Variants in LIN52 observed in about 807,000 individuals in gnomAD.
LIN52 encodes the protein protein lin-52 homolog.
In LIN52, 4 loss-of-function variants were observed where a neutral mutation model predicts 18.5. That is an observed-to-expected ratio of 0.22 (90% confidence interval 0.11 to 0.49). LIN52 has a LOEUF of 0.49. Among genes scored for constraint, LIN52 ranks in the 20% least tolerant of loss-of-function variants. The pLI is 0.97. For synonymous variants in LIN52, 34 were observed against 45.5 expected, an observed-to-expected ratio of 0.75 and a Z score of 1.02; for missense variants, 102 against 139.5, an observed-to-expected ratio of 0.73 and a Z score of 1.35.
chr14:74,118,150 A>G (rs540325441), intron 5 of LIN52, among the ~76,000 whole-genome samples: 1 of 152,304 alleles, frequency 6.6e-6, no homozygotes, highest in African/African-American at 2.4e-5. Flanking sequence ...AGTTCCAACT[A>G]CTGGGGAGGC....
At chr14:74,189,065 T>C (rs990455309) in intron 5 of LIN52, among the ~76,000 whole-genome samples, 6 of 152,218 alleles carry the variant, frequency 3.9e-5, no homozygotes, top group Non-Finnish European at 8.8e-5. Context: ...TGGTCTGATT[T>C]TCCTGAGAGT....
intron 5 of LIN52, among the ~76,000 whole-genome samples, chr14:74,192,347 A>G (rs1469236715): frequency 3.3e-5 from 5 of 152,070 alleles, no homozygotes; most frequent in Admixed American, 6.5e-5. Context: ...TTACAGTCGC[A>G]TGATCTCGGC....
At chr14:74,089,614 C>CA (rs1206578946) in intron 1 of LIN52, among the ~76,000 whole-genome samples, 2 of 152,102 alleles carry the variant, frequency 1.3e-5, no homozygotes, top group African/African-American at 4.8e-5. Flanking sequence ...GCAATCCACC[C>CA]ACCTCGGCCT....
At chr14:74,124,786 G>T (rs1046067565) in intron 5 of LIN52, among the ~76,000 whole-genome samples, 8 of 137,928 alleles carry the variant, frequency 5.8e-5, no homozygotes, top group African/African-American at 2.2e-4. Flanking sequence ...ACCCCAGCCT[G>T]GGTGACAGAG....
chr14:74,170,811 G>A (rs2061266654), intron 5 of LIN52, among the ~76,000 whole-genome samples: 2 of 151,394 alleles, frequency 1.3e-5, no homozygotes, highest in African/African-American at 2.4e-5. Flanking sequence ...ACAATATCAA[G>A]CAGTTTAACA....
chr14:74,142,732 G>A (rs142265206), intron 5 of LIN52, among the ~76,000 whole-genome samples: 139 of 150,460 alleles, frequency 9.2e-4, no homozygotes, highest in Middle Eastern at 3.4e-3. Context: ...TGTTTTTTAC[G>A]TTTTTATGGG....
At chr14:74,087,731 T>C (rs1284676851) in intron 1 of LIN52, among the ~76,000 whole-genome samples, 1 of 152,196 alleles carries the variant, frequency 6.6e-6, no homozygotes, top group African/African-American at 2.4e-5. Context: ...TCATTTACTC[T>C]TTTGTCTTTT....
At chr14:74,150,281 G>T (rs1186444838) in intron 5 of LIN52, among the ~76,000 whole-genome samples, 1 of 152,034 alleles carries the variant, frequency 6.6e-6, no homozygotes, top group Admixed American at 6.6e-5. Flanking sequence ...ATTGGCAGTA[G>T]AATGAATAAA....
At chr14:74,188,348 G>A (rs1363639861) in intron 5 of LIN52, among the ~76,000 whole-genome samples, 1 of 152,020 alleles carries the variant, frequency 6.6e-6, no homozygotes, top group Non-Finnish European at 1.5e-5. Context: ...AAAAATAGTG[G>A]CGTGAATAAT....
At chr14:74,167,974 T>C (rs1473844392) in intron 5 of LIN52, among the ~76,000 whole-genome samples, 1 of 152,028 alleles carries the variant, frequency 6.6e-6, no homozygotes, top group Non-Finnish European at 1.5e-5. Flanking sequence ...GGATTTTGTT[T>C]TGGGGTTTGT....
chr14:74,091,758 G>A (rs28669020), intron 2 of LIN52, among the ~76,000 whole-genome samples: 31,269 of 131,932 alleles, frequency 0.24, 3,746 homozygotes, highest in South Asian at 0.48. Flanking sequence ...TGTGTGACAG[G>A]GTGAGACTCT....
intron 5 of LIN52, among the ~76,000 whole-genome samples, chr14:74,123,590 A>G (rs2061011204): frequency 6.6e-6 from 1 of 152,216 alleles, no homozygotes. Flanking sequence ...TTAAAGCCAT[A>G]GATGAGAGAA....
intron 5 of LIN52, among the ~76,000 whole-genome samples, chr14:74,107,076 T>C (rs114680683): frequency 0.01 from 1,573 of 152,292 alleles, 12 homozygotes; most frequent in Middle Eastern, 0.027. Context: ...ACATGCACTG[T>C]CTCTGTCTGA....
At chr14:74,086,925 T>A (rs2060736383) in intron 1 of LIN52, among the ~76,000 whole-genome samples, 1 of 149,980 alleles carries the variant, frequency 6.7e-6, no homozygotes, top group African/African-American at 2.5e-5. Flanking sequence ...AATGGTAAAA[T>A]TTATGTATAT....
rs1397288146 is a variant in LIN52 at position 74,201,005 on chromosome 14, C to G, written c.*2028C>G. The G allele has an allele frequency of 6.6e-6, 1 of 152,196 alleles. No homozygotes were observed. The highest frequency in any genetic ancestry group is 1.5e-5 in the Non-Finnish European group (1 of 68,026). The allele number at this position is 152,196 out of a possible 1,614,324, so 9.4% of individuals were successfully genotyped here. ...TTGGTTTTCTGGTCCGCTTTGTCCT[C>G]TTTCTTTTACCGTCATCCTATTCAC... On this transcript the variant is annotated 3_prime_UTR_variant, in exon 6 of 6. Transcript: ENST00000555028.
intron 5 of LIN52, among the ~76,000 whole-genome samples, chr14:74,107,961 A>G (rs1354295480): frequency 6.6e-6 from 1 of 152,154 alleles, no homozygotes; most frequent in African/African-American, 2.4e-5. Flanking sequence ...AGTCACCACC[A>G]CAACCAATTT....
At chr14:74,112,478 A>G (rs1016997972) in intron 5 of LIN52, among the ~76,000 whole-genome samples, 2 of 152,136 alleles carry the variant, frequency 1.3e-5, no homozygotes, top group East Asian at 3.9e-4. Context: ...TCTGCATATA[A>G]GACCCTAAAA....
chr14:74,085,218 C>T, intron 1 of LIN52: 1 of 394,732 alleles, frequency 2.5e-6, no homozygotes, highest in Non-Finnish European at 4.5e-6. Flanking sequence ...TGGAGGAGGG[C>T]ACTAGGGAGG....
intron 5 of LIN52, among the ~76,000 whole-genome samples, chr14:74,153,803 C>T (rs2061186987): frequency 6.6e-6 from 1 of 152,164 alleles, no homozygotes; most frequent in African/African-American, 2.4e-5. Context: ...CTCTGCCTCC[C>T]AAAGTGCTGG....
Sources: gnomAD v4.1 joint callset for allele counts (sites outside exome capture counted in the v4.1 genomes callset) on GRCh38, gnomAD v4.1.1 for gene constraint, MANE v1.5 for transcripts, NCBI Gene and HGNC (gene_info 2026-07-23, HGNC 2026-07-21) for gene names.